The following M1AP variants were observed in gnomAD, a reference collection of about 807,000 sequenced individuals.
M1AP encodes the protein meiosis 1 arrest protein.
M1AP carries 39 observed loss-of-function variants against 51.2 expected under a neutral mutation model. That is an observed-to-expected ratio of 0.76 (90% CI 0.59 to 1.00). M1AP has a LOEUF of 1.00. M1AP is among the 50% of genes least tolerant of loss of function. The pLI is 0.00. For synonymous variants in M1AP, 251 were observed against 249.2 expected (o/e 1.01, Z -0.07); for missense variants, 545 against 641.2 (o/e 0.85, Z 1.62).
intron 1 of M1AP, among the ~76,000 whole-genome samples, chr2:74,640,586 G>A (rs907306138): frequency 1.3e-5 from 2 of 151,764 alleles, no homozygotes; most frequent in African/African-American, 4.8e-5. Context: ...TCAGCTTCCC[G>A]AGTAGCTAGG....
intron 3 of M1AP, among the ~76,000 whole-genome samples, chr2:74,612,469 C>T (rs1032431838): frequency 3.9e-5 from 6 of 152,228 alleles, no homozygotes; most frequent in South Asian, 2.1e-4. Context: ...ATCCTCCTGC[C>T]GTAGCTTCCC....
chr2:74,631,850 A>C (rs1370087098), intron 2 of M1AP, among the ~76,000 whole-genome samples: 1 of 152,200 alleles, frequency 6.6e-6, no homozygotes, highest in African/African-American at 2.4e-5. Context: ...TCAAAAATTA[A>C]ATATGAGAGG....
intron 2 of M1AP, among the ~76,000 whole-genome samples, chr2:74,616,014 T>G (rs1681647990): frequency 6.6e-6 from 1 of 152,208 alleles, no homozygotes; most frequent in African/African-American, 2.4e-5. Flanking sequence ...CAAAGACTGC[T>G]TAAGTCAACA....
intron 3 of M1AP, among the ~76,000 whole-genome samples, chr2:74,609,723 A>AT (rs1327088556): frequency 1.3e-5 from 2 of 152,128 alleles, no homozygotes; most frequent in African/African-American, 4.8e-5. Flanking sequence ...AATATTTGTT[A>AT]TTTTTTAAAT....
At chr2:74,623,822 C>T (rs1200911244) in intron 2 of M1AP, among the ~76,000 whole-genome samples, 1 of 152,126 alleles carries the variant, frequency 6.6e-6, no homozygotes, top group Admixed American at 6.5e-5. Flanking sequence ...CAGGCATGAA[C>T]CACCACACCT....
At position 74,581,182 on chromosome 2, in the gene M1AP, G is replaced by A. The variant is rs142034224; in HGVS notation, c.769+492C>T. 5.5e-4 allele frequency among the ~76,000 whole-genome samples: 83 copies of A among 152,272 alleles called. No homozygotes were observed. The East Asian group carries it at 9.8e-3, about 18-fold the overall frequency. ...GTGAACATGGTCTTGGGCACAGGTT[G>A]TCCTCCCTGGGGCGTATCTCTGTAG... On this transcript the variant is annotated intron_variant, in intron 5 of 10. Coordinates refer to ENST00000421985, the MANE Select transcript of M1AP (RefSeq NM_001321739.2).
rs188003793 is a variant in M1AP, at chr2:74,574,699, C to T, written c.1074+739G>A. ...CTACAAAGCTTTGCATGATTTGACC[C>T]CTGCTCACCTCTCCAACCCTACCTT... On this transcript the variant is annotated intron_variant, in intron 7 of 10. Coordinates refer to ENST00000421985, the MANE Select transcript of M1AP (RefSeq NM_001321739.2). Among the ~76,000 whole-genome samples the T allele has an allele frequency of 2.0e-5, 3 of 152,298 alleles. No individual in the cohort carries two copies. In the East Asian group the frequency reaches 5.8e-4, roughly 29 times the overall value.
intron 1 of M1AP, among the ~76,000 whole-genome samples, chr2:74,645,164 G>A (rs1683529909): frequency 1.3e-5 from 2 of 151,840 alleles, no homozygotes; most frequent in Non-Finnish European, 2.9e-5. Context: ...CTCCACACAC[G>A]CCGCCTTAAG....
chr2:74,581,194 G>A (rs1296529121), intron 5 of M1AP, among the ~76,000 whole-genome samples: 1 of 152,162 alleles, frequency 6.6e-6, no homozygotes, highest in African/African-American at 2.4e-5. Context: ...CCTCCCTGGG[G>A]CGTATCTCTG....
intron 7 of M1AP, among the ~76,000 whole-genome samples, chr2:74,562,884 C>T (rs186474171): frequency 6.6e-6 from 1 of 152,192 alleles, no homozygotes; most frequent in African/African-American, 2.4e-5. Context: ...CCACTGCACT[C>T]CAGCCTGGGT....
At chr2:74,587,042 C>A (rs1053935443) in intron 4 of M1AP, among the ~76,000 whole-genome samples, 1 of 151,608 alleles carries the variant, frequency 6.6e-6, no homozygotes, top group East Asian at 1.9e-4. Flanking sequence ...TGATTTTGGG[C>A]GAAGTGGAAT....
intron 4 of M1AP, among the ~76,000 whole-genome samples, chr2:74,606,546 T>C (rs1192159782): frequency 6.6e-6 from 1 of 152,134 alleles, no homozygotes; most frequent in African/African-American, 2.4e-5. Context: ...TGTGTATATA[T>C]GTATCTATAA....
At chr2:74,576,047 C>T (rs1432185252) in intron 6 of M1AP, among the ~76,000 whole-genome samples, 1 of 152,090 alleles carries the variant, frequency 6.6e-6, no homozygotes, top group African/African-American at 2.4e-5. Context: ...ATTGGTTCTC[C>T]TGGAAGAAGG....
chr2:74,569,265 C>T (rs1396742561), intron 7 of M1AP, among the ~76,000 whole-genome samples: 6 of 151,504 alleles, frequency 4.0e-5, no homozygotes, highest in African/African-American at 1.2e-4. Context: ...TTTACACACG[C>T]AATATTTAAT....
chr2:74,558,582 G>T lies in M1AP; in HGVS notation c.*134C>A. ...GACAGCACTGAAACAGGACAGGAAGGCTGTTGTTTCCCAGTCAGCCCTCAC... is the reference window on the plus strand; with the variant it reads ...GACAGCACTGAAACAGGACAGGAAGTCTGTTGTTTCCCAGTCAGCCCTCAC... On this transcript the variant is annotated 3_prime_UTR_variant, in exon 11 of 11. Transcript: ENST00000421985. 1 of 1,007,490 alleles carries T rather than the reference G, an allele frequency of 9.9e-7. No homozygotes were observed. Among genetic ancestry groups the T allele is most frequent in the Non-Finnish European group, 1.5e-6 (1 of 679,024 alleles). 62.4% of individuals were successfully genotyped at this position (1,007,490 alleles called of 1,614,324 possible).
intron 1 of M1AP, among the ~76,000 whole-genome samples, chr2:74,644,819 G>A (rs532132720): frequency 1.8e-4 from 28 of 152,112 alleles, no homozygotes; most frequent in Admixed American, 1.8e-3. Flanking sequence ...AAGTACATGG[G>A]GCCAATTTCT....
At chr2:74,645,061 A>G (rs974735785) in intron 1 of M1AP, among the ~76,000 whole-genome samples, 4 of 152,068 alleles carry the variant, frequency 2.6e-5, no homozygotes, top group Non-Finnish European at 4.4e-5. Flanking sequence ...TTGGGTCCGC[A>G]CTGCCTTTAT....
chr2:74,625,357 C>T (rs1357762556), intron 2 of M1AP, among the ~76,000 whole-genome samples: 2 of 151,990 alleles, frequency 1.3e-5, no homozygotes, highest in Admixed American at 1.3e-4. Flanking sequence ...TTCCTCATAG[C>T]TATTTATCTT....
At chr2:74,621,181 C>T (rs1682003860) in intron 2 of M1AP, among the ~76,000 whole-genome samples, 1 of 151,692 alleles carries the variant, frequency 6.6e-6, no homozygotes, top group African/African-American at 2.4e-5. Flanking sequence ...ACTCGGGAGG[C>T]TGAGGCAGGA....
Sources: allele counts gnomAD v4.1 joint callset (sites outside exome capture counted in the v4.1 genomes callset), GRCh38; gene constraint gnomAD v4.1.1; transcripts MANE v1.5; gene names NCBI Gene and HGNC (gene_info 2026-07-23, HGNC 2026-07-21).